KLHL29: variants seen among roughly 807,000 people sequenced by gnomAD.
KLHL29 encodes kelch like family member 29, also known as kelch-like protein 29.
A neutral mutation model predicts 80.4 loss-of-function variants in KLHL29; 21 were observed. The ratio of observed to expected loss-of-function variants is 0.26; its 90% CI spans 0.19 to 0.38. The LOEUF (loss-of-function observed/expected upper bound fraction) is 0.38, where lower values mean the gene tolerates loss of function less well. Ranked by LOEUF, KLHL29 falls within the 10% of genes least tolerant of loss-of-function variation. The pLI, the probability that KLHL29 is intolerant of heterozygous loss-of-function variation, is 1.00. For missense variants in KLHL29, 867 were observed against 1,223.9 expected, an observed-to-expected ratio of 0.71 and a Z score of 4.35; for synonymous variants, 511 against 526.8, an observed-to-expected ratio of 0.97 and a Z score of 0.41.
chr2:23,531,995 C>A (rs969424136), intron 2 of KLHL29, among the ~76,000 whole-genome samples: 1 of 152,200 alleles, frequency 6.6e-6, no homozygotes, highest in Non-Finnish European at 1.5e-5. Flanking sequence ...CTCAACGGGA[C>A]GACCAAGGCC....
intron 3 of KLHL29, among the ~76,000 whole-genome samples, chr2:23,575,212 C>T (rs1385127197): frequency 3.3e-5 from 5 of 152,094 alleles, no homozygotes; most frequent in Middle Eastern, 6.3e-3. Flanking sequence ...CGTGGAGGAG[C>T]GTTTTTGTGG....
chr2:23,559,700 G>C (rs923978788), intron 2 of KLHL29, among the ~76,000 whole-genome samples: 2 of 152,218 alleles, frequency 1.3e-5, no homozygotes, highest in Non-Finnish European at 2.9e-5. Context: ...TGGAACAGCT[G>C]GGGGAAGGTG....
intron 2 of KLHL29, among the ~76,000 whole-genome samples, chr2:23,544,927 G>A (rs190300826): frequency 2.7e-3 from 407 of 152,302 alleles, no homozygotes; most frequent in Non-Finnish European, 4.6e-3. Context: ...TTTTTCTTAG[G>A]GTAGGATGGG....
At chr2:23,408,033 C>T (rs899925399) in intron 1 of KLHL29, among the ~76,000 whole-genome samples, 2 of 151,940 alleles carry the variant, frequency 1.3e-5, no homozygotes, top group Non-Finnish European at 2.9e-5. Context: ...CCTCGGCCTC[C>T]TGATAACATT....
At chr2:23,458,984 A>G (rs1210292437) in intron 1 of KLHL29, among the ~76,000 whole-genome samples, 2 of 152,196 alleles carry the variant, frequency 1.3e-5, no homozygotes, top group Admixed American at 6.5e-5. Context: ...GATTCAGGAG[A>G]ACCAAGTGAA....
chr2:23,685,066 T>A (rs1211190171), intron 6 of KLHL29, among the ~76,000 whole-genome samples: 1 of 152,174 alleles, frequency 6.6e-6, no homozygotes, highest in Non-Finnish European at 1.5e-5. Context: ...AAGAGACTTG[T>A]AGCAATGCCT....
intron 2 of KLHL29, among the ~76,000 whole-genome samples, chr2:23,512,635 G>A (rs1665807967): frequency 6.6e-6 from 1 of 152,206 alleles, no homozygotes; most frequent in Non-Finnish European, 1.5e-5. Flanking sequence ...AGATATCACG[G>A]CTGTTCTCTA....
At chr2:23,661,041 A>C (rs1007967293) in intron 5 of KLHL29, among the ~76,000 whole-genome samples, 1 of 149,410 alleles carries the variant, frequency 6.7e-6, no homozygotes, top group Admixed American at 6.7e-5. Context: ...CAGAAAAAAA[A>C]AGAGAGAGAG....
At chr2:23,544,206 C>G (rs1385558194) in intron 2 of KLHL29, among the ~76,000 whole-genome samples, 1 of 152,144 alleles carries the variant, frequency 6.6e-6, no homozygotes, top group Admixed American at 6.5e-5. Context: ...GCACGAGAAC[C>G]ACGGTGATGT....
At chr2:23,634,994 A>C (rs1167191127) in intron 3 of KLHL29, among the ~76,000 whole-genome samples, 1 of 152,166 alleles carries the variant, frequency 6.6e-6, no homozygotes, top group Non-Finnish European at 1.5e-5. Context: ...CCCTGGGGGC[A>C]GTGCATTAAG....
chr2:23,525,776 A>G lies in KLHL29; in HGVS notation c.-45-36376A>G, dbSNP rs527608369. ...CCAGCAGAGCCAGGGCCCACCCGCT[A>G]TTTTTAGAAAGCTATCAGGTGCGCA... On this transcript the variant is annotated intron_variant, in intron 2 of 13. Coordinates refer to ENST00000486442, the MANE Select transcript of KLHL29 (RefSeq NM_052920.2). Among the ~76,000 whole-genome samples the G allele has an allele frequency of 8.3e-5, 11 of 131,886 alleles. No homozygotes were observed. In the South Asian group the frequency reaches 2.8e-3, roughly 34 times the overall value. 86.5% of individuals were successfully genotyped at this position (131,886 alleles called of 152,430 possible).
chr2:23,630,053 A>G (rs1227716166), intron 3 of KLHL29, among the ~76,000 whole-genome samples: 2 of 152,340 alleles, frequency 1.3e-5, no homozygotes, highest in Non-Finnish European at 2.9e-5. Context: ...GTTAGGGATC[A>G]GAGAAAGAGG....
rs185187234 is a variant in KLHL29, at chr2:23,397,282, C to T, written c.-154+11502C>T. Reference sequence around the variant, plus strand: ...TGATGGCCCCTGGCCCTTGCCCCTCCCCACAGGCTCTCCCTCACATCACTG... The same window carrying T: ...TGATGGCCCCTGGCCCTTGCCCCTCTCCACAGGCTCTCCCTCACATCACTG... On this transcript the variant is annotated intron_variant, in intron 1 of 13. Coordinates refer to ENST00000486442, the MANE Select transcript of KLHL29 (RefSeq NM_052920.2). Among the ~76,000 whole-genome samples, 55 of 152,390 alleles carry T rather than the reference C, an allele frequency of 3.6e-4. 1 individual carries two copies. The highest frequency in any genetic ancestry group is 3.0e-3 in the Admixed American group (46 of 15,314).
intron 2 of KLHL29, among the ~76,000 whole-genome samples, chr2:23,500,946 G>A (rs2103454458): frequency 6.6e-6 from 1 of 152,282 alleles, no homozygotes; most frequent in South Asian, 2.1e-4. Context: ...GAACAAAAGT[G>A]GAAATCGCAT....
At chr2:23,463,153 G>A (rs1257400522) in intron 1 of KLHL29, among the ~76,000 whole-genome samples, 1 of 149,578 alleles carries the variant, frequency 6.7e-6, no homozygotes, top group African/African-American at 2.5e-5. Flanking sequence ...GAACGTCATG[G>A]CACTTTTTGA....
At chr2:23,574,416 C>A (rs1473770552) in intron 3 of KLHL29, among the ~76,000 whole-genome samples, 1 of 152,134 alleles carries the variant, frequency 6.6e-6, no homozygotes. Flanking sequence ...AAGCTGTGCA[C>A]AAGAATGTCC....
chr2:23,524,766 T>A (rs1041686426), intron 2 of KLHL29, among the ~76,000 whole-genome samples: 3 of 152,224 alleles, frequency 2.0e-5, no homozygotes, highest in Admixed American at 6.5e-5. Flanking sequence ...CTGAAGGACT[T>A]CATGGTGAGC....
intron 2 of KLHL29, among the ~76,000 whole-genome samples, chr2:23,482,821 GCT>G (rs1664833755): frequency 4.1e-5 from 6 of 146,604 alleles, no homozygotes; most frequent in Non-Finnish European, 9.0e-5. Context: ...GTGTTGCAAC[GCT>G]CACTCATTCA....
chr2:23,623,470 T>G (rs1669236198), intron 3 of KLHL29, among the ~76,000 whole-genome samples: 1 of 152,240 alleles, frequency 6.6e-6, no homozygotes, highest in African/African-American at 2.4e-5. Context: ...TGATGTTTTC[T>G]TGTTTTAAAA....
Sources: allele counts gnomAD v4.1 joint callset (sites outside exome capture counted in the v4.1 genomes callset), GRCh38; gene constraint gnomAD v4.1.1; transcripts MANE v1.5; gene names NCBI Gene and HGNC (gene_info 2026-07-23, HGNC 2026-07-21).